COG6: variants seen among roughly 807,000 people sequenced by gnomAD.
COG6 encodes conserved oligomeric Golgi complex subunit 6.
A neutral mutation model predicts 88.8 loss-of-function variants in COG6; 74 were observed. The observed-to-expected ratio is 0.83, with a 90% CI of 0.69 to 1.01. The LOEUF (loss-of-function observed/expected upper bound fraction) is 1.01, where lower values mean the gene tolerates loss of function less well. Ranked by LOEUF, COG6 falls within the 50% of genes least tolerant of loss-of-function variation. The pLI is 0.00. For synonymous variants in COG6, 286 were observed against 278.7 expected (o/e 1.03, Z -0.26); for missense variants, 800 against 797.9 (o/e 1.00, Z -0.03).
At chr13:39,665,904 T>C (rs989932492) in intron 4 of COG6, among the ~76,000 whole-genome samples, 4 of 152,248 alleles carry the variant, frequency 2.6e-5, no homozygotes, top group South Asian at 4.1e-4. Context: ...GTTATCAAAC[T>C]ATGGCCACAG....
At chr13:39,746,855 TAACTGATAC>T in intron 18 of COG6, among the ~76,000 whole-genome samples, 1 of 152,286 alleles carries the variant, frequency 6.6e-6, no homozygotes, top group South Asian at 2.1e-4. Context: ...TATATACAAA[TAACTGATAC>T]GCTTTTATAA....
At chr13:39,709,261 A>G (rs1878106832) in intron 13 of COG6, among the ~76,000 whole-genome samples, 1 of 152,166 alleles carries the variant, frequency 6.6e-6, no homozygotes. Flanking sequence ...GATGTTCCAT[A>G]CATAATAGTT....
intron 1 of COG6, among the ~76,000 whole-genome samples, chr13:39,658,962 A>G (rs1044951678): frequency 2.2e-4 from 34 of 152,318 alleles, no homozygotes; most frequent in African/African-American, 8.2e-4. Context: ...TTAAGTTTTT[A>G]ACTGTTGGTA....
chr13:39,675,573 A>G (rs1450386055), intron 4 of COG6, among the ~76,000 whole-genome samples: 1 of 152,166 alleles, frequency 6.6e-6, no homozygotes, highest in African/African-American at 2.4e-5. Flanking sequence ...GTAGCTATAT[A>G]TAGAGCCTGT....
At chr13:39,736,703 A>G (rs1196112615) in intron 18 of COG6, among the ~76,000 whole-genome samples, 1 of 152,176 alleles carries the variant, frequency 6.6e-6, no homozygotes, top group Non-Finnish European at 1.5e-5. Flanking sequence ...AAAAAACAAA[A>G]AACAAGATTC....
intron 13 of COG6, among the ~76,000 whole-genome samples, chr13:39,710,587 T>C (rs191833216): frequency 7.2e-5 from 11 of 152,226 alleles, no homozygotes; most frequent in African/African-American, 2.4e-4. Context: ...GCATTTGGAA[T>C]ATATTTTAAT....
At chr13:39,727,625 A>T in intron 18 of COG6, 77 bp downstream of exon 18, 1 of 1,078,386 alleles carries the variant, frequency 9.3e-7, no homozygotes, top group Non-Finnish European at 1.4e-6. Context: ...TTGGAAAAAA[A>T]TTTATTTTCA....
intron 4 of COG6, among the ~76,000 whole-genome samples, chr13:39,665,462 T>G (rs1160738548): frequency 1.3e-5 from 2 of 152,188 alleles, no homozygotes; most frequent in Non-Finnish European, 2.9e-5. Context: ...TTTAATAGTT[T>G]TATTACTTTT....
chr13:39,681,614 T>A (rs182523474), intron 7 of COG6, among the ~76,000 whole-genome samples: 79 of 152,312 alleles, frequency 5.2e-4, no homozygotes, highest in African/African-American at 1.9e-3. Context: ...TTCTGAGAAG[T>A]TCTAAATTCT....
intron 13 of COG6, among the ~76,000 whole-genome samples, chr13:39,712,828 C>T (rs769139353): frequency 6.6e-6 from 1 of 152,248 alleles, no homozygotes; most frequent in Admixed American, 6.5e-5. Flanking sequence ...CTTACCTGCC[C>T]GAGCAAGTAC....
chr13:39,732,685 A>G (rs1451801173), intron 18 of COG6, among the ~76,000 whole-genome samples: 1 of 152,226 alleles, frequency 6.6e-6, no homozygotes, highest in African/African-American at 2.4e-5. Context: ...TGAAGAGAGG[A>G]CAATAGAAAC....
intron 13 of COG6, among the ~76,000 whole-genome samples, chr13:39,716,123 T>C (rs1878517725): frequency 6.6e-6 from 1 of 152,016 alleles, no homozygotes; most frequent in Admixed American, 6.6e-5. Context: ...CCAAGAAATA[T>C]TTTCCTTCAA....
intron 18 of COG6, among the ~76,000 whole-genome samples, chr13:39,767,130 T>C (rs1566044140): frequency 1.3e-5 from 2 of 152,212 alleles, no homozygotes; most frequent in Non-Finnish European, 2.9e-5. Flanking sequence ...AAAAAGTGCC[T>C]ACAATAAGCA....
intron 4 of COG6, among the ~76,000 whole-genome samples, chr13:39,666,727 G>T (rs999122082): frequency 1.3e-5 from 2 of 152,192 alleles, no homozygotes; most frequent in African/African-American, 4.8e-5. Flanking sequence ...GGCTACAAAG[G>T]ACTCAGAGAT....
intron 12 of COG6, among the ~76,000 whole-genome samples, chr13:39,697,166 A>G (rs1333557210): frequency 6.6e-6 from 1 of 151,528 alleles, no homozygotes; most frequent in Non-Finnish European, 1.5e-5. Flanking sequence ...TGAGTGATCA[A>G]ATAATACAGA....
intron 18 of COG6, among the ~76,000 whole-genome samples, chr13:39,741,143 A>G (rs7330211): frequency 0.49 from 74,990 of 151,986 alleles, 19,031 homozygotes; most frequent in South Asian, 0.68. Context: ...ATTTCTTTGA[A>G]CATATTTTAA....
chr13:39,718,808 T>C (rs1020873355), intron 13 of COG6, among the ~76,000 whole-genome samples: 3 of 152,100 alleles, frequency 2.0e-5, no homozygotes, highest in Non-Finnish European at 2.9e-5. Flanking sequence ...CCTATACATA[T>C]TGAACTAAAA....
intron 3 of COG6, among the ~76,000 whole-genome samples, chr13:39,664,456 A>G (rs1279838633): frequency 6.6e-6 from 1 of 152,192 alleles, no homozygotes; most frequent in Non-Finnish European, 1.5e-5. Context: ...CTTTTGTTTA[A>G]AGCCACTTCA....
rs1217410033 is a variant in COG6 at position 39,741,628 on chromosome 13, T to A, written c.1827-9318T>A. Among the ~76,000 whole-genome samples the A allele has an allele frequency of 2.0e-5, 3 of 152,108 alleles. No homozygotes were observed. In the South Asian group the frequency reaches 6.2e-4, roughly 32 times the overall value. On this transcript the variant is annotated intron_variant, in intron 18 of 18. Coordinates refer to ENST00000455146, the MANE Select transcript of COG6 (RefSeq NM_020751.3). Reference sequence around the variant, plus strand: ...GTGAAAAGACCAAATCTACGTTTGATTGGTGTACCTGAAAGTGACAGGGAG... The same window carrying A: ...GTGAAAAGACCAAATCTACGTTTGAATGGTGTACCTGAAAGTGACAGGGAG...
Sources: allele counts gnomAD v4.1 joint callset (sites outside exome capture counted in the v4.1 genomes callset), GRCh38; gene constraint gnomAD v4.1.1; transcripts MANE v1.5; gene names NCBI Gene and HGNC (gene_info 2026-07-23, HGNC 2026-07-21).